Variants in BMPR1B observed in about 807,000 individuals in gnomAD.
BMPR1B encodes bone morphogenetic protein receptor type 1B.
Under a neutral mutation model 59.1 loss-of-function variants are expected in BMPR1B, and 12 were observed. That is an observed-to-expected ratio of 0.20 (90% CI 0.13 to 0.33). BMPR1B has a LOEUF of 0.33. Among genes scored for constraint, BMPR1B ranks in the 10% least tolerant of loss-of-function variants. The pLI is 1.00. For missense variants in BMPR1B, 550 were observed against 610.9 expected, an observed-to-expected ratio of 0.90 and a Z score of 1.05; for synonymous variants, 237 against 207.3, an observed-to-expected ratio of 1.14 and a Z score of -1.23.
intron 1 of BMPR1B, among the ~76,000 whole-genome samples, chr4:94,822,871 T>C (rs1323152598): frequency 6.6e-6 from 1 of 152,200 alleles, no homozygotes; most frequent in African/African-American, 2.4e-5. Flanking sequence ...GGGGTAATAG[T>C]GTTTTTCCAC....
intron 1 of BMPR1B, among the ~76,000 whole-genome samples, chr4:94,762,591 G>A (rs912946966): frequency 1.7e-4 from 26 of 152,176 alleles, no homozygotes; most frequent in African/African-American, 5.1e-4. Flanking sequence ...GAGAGGTGGC[G>A]AGGTTCGTAG....
intron 2 of BMPR1B, among the ~76,000 whole-genome samples, chr4:94,931,378 TAATC>T (rs1469739879): frequency 3.3e-5 from 5 of 152,102 alleles, no homozygotes; most frequent in Admixed American, 2.0e-4. Flanking sequence ...TTGCTGGAAA[TAATC>T]AACATTGTGA....
At chr4:94,804,067 A>G (rs963956853) in intron 1 of BMPR1B, among the ~76,000 whole-genome samples, 2 of 151,886 alleles carry the variant, frequency 1.3e-5, no homozygotes, top group African/African-American at 4.8e-5. Flanking sequence ...TTTAGTAGAG[A>G]TGGGGTTTCT....
chr4:94,979,361 C>T (rs1731151955), intron 2 of BMPR1B, among the ~76,000 whole-genome samples: 2 of 152,194 alleles, frequency 1.3e-5, no homozygotes, highest in Non-Finnish European at 2.9e-5. Context: ...AAAACTTACA[C>T]ATATTTTTGT....
At chr4:94,880,005 G>T (rs3775006) in intron 2 of BMPR1B, among the ~76,000 whole-genome samples, 1 of 151,886 alleles carries the variant, frequency 6.6e-6, no homozygotes, top group Non-Finnish European at 1.5e-5. Context: ...AGTGATTATC[G>T]TAACAAAATA....
At chr4:95,039,189 T>C (rs538965285) in intron 3 of BMPR1B, among the ~76,000 whole-genome samples, 51 of 152,366 alleles carry the variant, frequency 3.3e-4, no homozygotes, top group Non-Finnish European at 6.6e-4. Context: ...TTTTATCTGA[T>C]ATCGTGATCA....
chr4:94,831,677 C>T (rs929937248), intron 1 of BMPR1B, among the ~76,000 whole-genome samples: 1 of 152,114 alleles, frequency 6.6e-6, no homozygotes, highest in Non-Finnish European at 1.5e-5. Context: ...TTATAGTTGC[C>T]TACAGCAGGG....
rs1416516158 is a variant in BMPR1B at position 95,157,732 on chromosome 4, CATA to C, written c.*3063_*3065del. 1 of 151,824 alleles carries C rather than the reference CATA, an allele frequency of 6.6e-6. No individual in the cohort carries two copies. Among genetic ancestry groups the C allele is most frequent in the Non-Finnish European group, 1.5e-5 (1 of 67,946 alleles). 9.4% of individuals were successfully genotyped at this position (151,824 alleles called of 1,614,324 possible). A position where few individuals can be genotyped will look rare whatever the true frequency, so the allele number is the denominator to read the frequency against. On this transcript the variant is annotated 3_prime_UTR_variant, in exon 13 of 13. Coordinates refer to ENST00000515059, the MANE Select transcript of BMPR1B (RefSeq NM_001203.3). ...ATGGATGATAAAGTACTAAATGAAA[CATA>C]ATATTTATTTATAAAAGTGTGTAGA... is the stretch of plus-strand genomic sequence containing the variant.
chr4:94,815,147 C>T (rs1224138480), intron 1 of BMPR1B, among the ~76,000 whole-genome samples: 1 of 152,122 alleles, frequency 6.6e-6, no homozygotes, highest in African/African-American at 2.4e-5. Flanking sequence ...TCAGGTGATC[C>T]ACCCGCCTCG....
chr4:95,012,191 G>T (rs1188667362), intron 3 of BMPR1B, among the ~76,000 whole-genome samples: 2 of 152,176 alleles, frequency 1.3e-5, no homozygotes, highest in African/African-American at 4.8e-5. Context: ...ACAATGTGCA[G>T]ATTCCCTATT....
At chr4:94,887,373 G>A (rs1466587262) in intron 2 of BMPR1B, among the ~76,000 whole-genome samples, 4 of 133,768 alleles carry the variant, frequency 3.0e-5, no homozygotes, top group African/African-American at 5.6e-5. Flanking sequence ...ATCAATGGAG[G>A]GAAATACCAC....
chr4:94,957,481 C>A (rs1281237412), intron 2 of BMPR1B, among the ~76,000 whole-genome samples: 1 of 151,358 alleles, frequency 6.6e-6, no homozygotes, highest in Non-Finnish European at 1.5e-5. Context: ...ACTTGTAGTG[C>A]TGTTTGCAAT....
chr4:94,938,972 C>G (rs1030894540), intron 2 of BMPR1B, among the ~76,000 whole-genome samples: 2 of 152,160 alleles, frequency 1.3e-5, no homozygotes, highest in Non-Finnish European at 2.9e-5. Context: ...GATGCAGCCA[C>G]TGTATGCCAG....
intron 2 of BMPR1B, among the ~76,000 whole-genome samples, chr4:94,944,578 C>T (rs996274982): frequency 6.7e-4 from 102 of 152,192 alleles, no homozygotes; most frequent in African/African-American, 2.3e-3. Flanking sequence ...AGTTTTCCTT[C>T]AAGGGAATTA....
At chr4:94,854,986 TTTA>T (rs1401272618) in intron 1 of BMPR1B, among the ~76,000 whole-genome samples, 1 of 152,200 alleles carries the variant, frequency 6.6e-6, no homozygotes, top group Non-Finnish European at 1.5e-5. Context: ...TTCACATTCT[TTTA>T]TTCCAGAATA....
chr4:95,041,758 G>T (rs1437509778), intron 3 of BMPR1B, among the ~76,000 whole-genome samples: 1 of 152,060 alleles, frequency 6.6e-6, no homozygotes, highest in South Asian at 2.1e-4. Flanking sequence ...TATCTAAATT[G>T]GGAATGATAT....
At chr4:94,785,092 C>T (rs1722717189) in intron 1 of BMPR1B, among the ~76,000 whole-genome samples, 1 of 152,160 alleles carries the variant, frequency 6.6e-6, no homozygotes. Flanking sequence ...CTCCATTTAG[C>T]CTCTGTGGAG....
intron 3 of BMPR1B, among the ~76,000 whole-genome samples, chr4:95,012,283 CAG>C (rs1031534156): frequency 6.6e-6 from 1 of 152,120 alleles, no homozygotes; most frequent in Middle Eastern, 3.4e-3. Flanking sequence ...AGTTAAAATG[CAG>C]AGTTTCATAC....
intron 1 of BMPR1B, among the ~76,000 whole-genome samples, chr4:94,840,990 CCT>C (rs1257554905): frequency 6.8e-6 from 1 of 146,892 alleles, no homozygotes; most frequent in African/African-American, 2.5e-5. Context: ...CAGACAGGAC[CCT>C]CAGCTGCAGG....
Sources: gnomAD v4.1 joint callset for allele counts (sites outside exome capture counted in the v4.1 genomes callset) on GRCh38, gnomAD v4.1.1 for gene constraint, MANE v1.5 for transcripts, NCBI Gene and HGNC (gene_info 2026-07-23, HGNC 2026-07-21) for gene names.